Variants in CCDC178 observed in about 807,000 individuals in gnomAD.
CCDC178 encodes the protein coiled-coil domain containing 178.
A neutral mutation model predicts 117.4 loss-of-function variants in CCDC178; 126 were observed. The ratio of observed to expected loss-of-function variants is 1.07; its 90% confidence interval spans 0.93 to 1.24. The LOEUF is 1.24. Among genes scored for constraint, CCDC178 ranks in the 50% most tolerant of loss-of-function variants. The pLI, the probability that CCDC178 is intolerant of heterozygous loss-of-function variation, is 0.00. For synonymous variants in CCDC178, 283 were observed against 313.4 expected (o/e 0.90, Z 1.02); for missense variants, 1,030 against 986.9 (o/e 1.04, Z -0.59).
intron 21 of CCDC178, among the ~76,000 whole-genome samples, chr18:33,086,465 A>AAG (rs941094324): frequency 1.0e-4 from 15 of 148,066 alleles, no homozygotes; most frequent in African/African-American, 3.2e-4. Flanking sequence ...TATAGCGAGA[A>AAG]AGAGAGAGAG....
At chr18:33,062,885 G>A (rs778033062) in intron 21 of CCDC178, among the ~76,000 whole-genome samples, 11 of 131,824 alleles carry the variant, frequency 8.3e-5, no homozygotes, top group Non-Finnish European at 1.6e-4. Context: ...ACAACGCCAG[G>A]ACCTAGCAGA....
At chr18:32,992,481 G>A (rs2144745788) in intron 21 of CCDC178, among the ~76,000 whole-genome samples, 1 of 152,186 alleles carries the variant, frequency 6.6e-6, no homozygotes, top group East Asian at 1.9e-4. Flanking sequence ...GTGACAAGGT[G>A]GCAACTGAGG....
intron 20 of CCDC178, among the ~76,000 whole-genome samples, chr18:33,168,708 C>T (rs953767238): frequency 3.9e-5 from 6 of 152,148 alleles, no homozygotes; most frequent in Non-Finnish European, 5.9e-5. Context: ...TTAACCCGAA[C>T]TTACTTAGTA....
At chr18:33,167,943 A>T (rs2058553114) in intron 20 of CCDC178, among the ~76,000 whole-genome samples, 1 of 151,816 alleles carries the variant, frequency 6.6e-6, no homozygotes, top group African/African-American at 2.4e-5. Context: ...TTTAATGGGT[A>T]TTTTTTTCTT....
intron 12 of CCDC178, among the ~76,000 whole-genome samples, chr18:33,286,681 A>G (rs1048209519): frequency 3.3e-5 from 5 of 152,206 alleles, no homozygotes; most frequent in African/African-American, 9.6e-5. Flanking sequence ...ACCAACTAAT[A>G]TGCCAAAGGA....
chr18:33,015,417 T>C (rs528689522), intron 21 of CCDC178, among the ~76,000 whole-genome samples: 1 of 151,854 alleles, frequency 6.6e-6, no homozygotes, highest in Admixed American at 6.6e-5. Flanking sequence ...TACAAACACT[T>C]AGCCGGGCGT....
intron 22 of CCDC178, among the ~76,000 whole-genome samples, chr18:32,950,498 A>G (rs532180002): frequency 6.6e-6 from 1 of 152,254 alleles, no homozygotes; most frequent in Admixed American, 6.5e-5. Context: ...ATATGACTCT[A>G]GTTACTTCAT....
At chr18:33,018,238 T>C (rs2056035614) in intron 21 of CCDC178, among the ~76,000 whole-genome samples, 1 of 152,038 alleles carries the variant, frequency 6.6e-6, no homozygotes, top group Non-Finnish European at 1.5e-5. Flanking sequence ...TACCACTTCA[T>C]ACTCACTGGA....
intron 20 of CCDC178, among the ~76,000 whole-genome samples, chr18:33,202,102 T>G (rs191594938): frequency 1.3e-5 from 2 of 152,146 alleles, no homozygotes; most frequent in South Asian, 2.1e-4. Context: ...TCCACTTAAA[T>G]AGTCTCTACT....
intron 11 of CCDC178, among the ~76,000 whole-genome samples, chr18:33,316,247 C>T (rs551060549): frequency 6.6e-6 from 1 of 152,294 alleles, no homozygotes; most frequent in Admixed American, 6.5e-5. Flanking sequence ...CCGGCGGGAA[C>T]CGGGGCTGCG....
intron 9 of CCDC178, among the ~76,000 whole-genome samples, chr18:33,334,809 G>A (rs911121862): frequency 1.3e-5 from 2 of 151,926 alleles, no homozygotes; most frequent in Non-Finnish European, 2.9e-5. Context: ...TATTTATTTT[G>A]TGAGGAAGGA....
chr18:33,072,772 A>C (rs2057131961), intron 21 of CCDC178, among the ~76,000 whole-genome samples: 2 of 152,130 alleles, frequency 1.3e-5, no homozygotes, highest in Non-Finnish European at 2.9e-5. Flanking sequence ...TCCTTGTATA[A>C]AGGTAGAACA....
At chr18:32,947,558 T>C (rs2144612016) in intron 22 of CCDC178, among the ~76,000 whole-genome samples, 1 of 152,340 alleles carries the variant, frequency 6.6e-6, no homozygotes, top group African/African-American at 2.4e-5. Context: ...AGTATCTATT[T>C]ACCTAATAAT....
rs1277665225 is a variant in CCDC178 at position 33,294,560 on chromosome 18, C to T, written c.1023-1248G>A. On this transcript the variant is annotated intron_variant, in intron 11 of 22. Coordinates refer to ENST00000383096, the MANE Select transcript of CCDC178 (RefSeq NM_001105528.4). ...TTCCAGCAGCATAGTCAAATGAAACCGAAATCTACAATCTCACTATAGAAA... is the reference window on the plus strand; with the variant it reads ...TTCCAGCAGCATAGTCAAATGAAACTGAAATCTACAATCTCACTATAGAAA... 2.6e-5 allele frequency among the ~76,000 whole-genome samples: 4 copies of T among 152,042 alleles called. No individual in the cohort carries two copies. In the East Asian group the frequency reaches 5.8e-4, roughly 22 times the overall value.
chr18:33,345,395 G>T (rs1054389156), intron 9 of CCDC178, among the ~76,000 whole-genome samples: 2 of 152,064 alleles, frequency 1.3e-5, no homozygotes, highest in African/African-American at 2.4e-5. Context: ...TGAGCTAAAA[G>T]AATTTCCTTT....
At chr18:32,955,385 G>C (rs1457451142) in intron 22 of CCDC178, among the ~76,000 whole-genome samples, 1 of 150,244 alleles carries the variant, frequency 6.7e-6, no homozygotes, top group Non-Finnish European at 1.5e-5. Flanking sequence ...TTCAGGTCTA[G>C]GTCTTAGTAC....
chr18:33,413,286 C>T (rs1245839040), intron 2 of CCDC178, among the ~76,000 whole-genome samples: 1 of 152,046 alleles, frequency 6.6e-6, no homozygotes, highest in Non-Finnish European at 1.5e-5. Context: ...GCCTAGTGCT[C>T]TTCCAAATAA....
At chr18:33,392,849 TAA>T (rs2063581232) in intron 4 of CCDC178, among the ~76,000 whole-genome samples, 1 of 151,966 alleles carries the variant, frequency 6.6e-6, no homozygotes, top group Admixed American at 6.6e-5. Flanking sequence ...ACCCTCTCTC[TAA>T]AAAATAAAAT....
chr18:33,419,466 C>A (rs1432331085), intron 2 of CCDC178, among the ~76,000 whole-genome samples: 3 of 152,066 alleles, frequency 2.0e-5, no homozygotes, highest in South Asian at 4.1e-4. Flanking sequence ...TTCTGCATAG[C>A]AAAATAAACT....
Sources: allele counts gnomAD v4.1 joint callset (sites outside exome capture counted in the v4.1 genomes callset), GRCh38; gene constraint gnomAD v4.1.1; transcripts MANE v1.5; gene names NCBI Gene and HGNC (gene_info 2026-07-23, HGNC 2026-07-21).